ATRN: variants seen among roughly 807,000 people sequenced by gnomAD.
ATRN encodes attractin-2.
A neutral mutation model predicts 178.7 loss-of-function variants in ATRN; 54 were observed. The observed-to-expected ratio is 0.30, with a 90% CI of 0.24 to 0.38. The LOEUF (loss-of-function observed/expected upper bound fraction) is 0.38. Among genes scored for constraint, ATRN ranks in the 10% least tolerant of loss-of-function variants. ATRN has a pLI of 1.00. For synonymous variants in ATRN, 636 were observed against 663.0 expected, an observed-to-expected ratio of 0.96 and a Z score of 0.63; for missense variants, 1,443 against 1,815.1, an observed-to-expected ratio of 0.79 and a Z score of 3.73.
chr20:3,650,980 A>C lies in ATRN; in HGVS notation c.*4133A>C, dbSNP rs1436077723. 1.3e-5 allele frequency: 2 copies of C among 152,658 alleles called. No homozygotes were observed. 9.5% of individuals were successfully genotyped at this position (152,658 alleles called of 1,614,324 possible). A position where few individuals can be genotyped will look rare whatever the true frequency, so the allele number is the denominator to read the frequency against. ...TTTGGTATTTTTTGTATTGTAAAAT[A>C]ACAGCTAATTTAAGCAGGAACAAGA... On this transcript the variant is annotated 3_prime_UTR_variant, in exon 29 of 29. Transcript: ENST00000262919.
chr20:3,494,206 C>T lies in ATRN; in HGVS notation c.410+22689C>T, dbSNP rs187133299. On this transcript the variant is annotated intron_variant, in intron 1 of 28. Transcript: ENST00000262919. ...AGAGAAGTCAGGCTGTGCTGAGCCACGAAGACTTAATGCAGGTGAGTTGAG... is the reference window on the plus strand; with the variant it reads ...AGAGAAGTCAGGCTGTGCTGAGCCATGAAGACTTAATGCAGGTGAGTTGAG... Among the ~76,000 whole-genome samples, 8 of 152,226 alleles carry T rather than the reference C, an allele frequency of 5.3e-5. No individual in the cohort carries two copies. The South Asian group carries it at 6.2e-4, about 12-fold the overall frequency.
At chr20:3,546,747 T>C (rs1034178898) in intron 4 of ATRN, among the ~76,000 whole-genome samples, 2 of 152,088 alleles carry the variant, frequency 1.3e-5, no homozygotes, top group Admixed American at 6.6e-5. Context: ...CTGAAATGAG[T>C]AGATAAAATT....
At chr20:3,550,418 C>T (rs1038036030) in intron 6 of ATRN, among the ~76,000 whole-genome samples, 2 of 152,148 alleles carry the variant, frequency 1.3e-5, no homozygotes, top group Admixed American at 6.5e-5. Flanking sequence ...TAACCTGTTG[C>T]CTCCAGCTTC....
At chr20:3,630,366 A>C (rs997464894) in intron 25 of ATRN, among the ~76,000 whole-genome samples, 1 of 152,080 alleles carries the variant, frequency 6.6e-6, no homozygotes, top group African/African-American at 2.4e-5. Flanking sequence ...CTATACACAC[A>C]CAGCTTCAGC....
At chr20:3,515,020 A>G (rs1347888453) in intron 1 of ATRN, among the ~76,000 whole-genome samples, 1 of 152,222 alleles carries the variant, frequency 6.6e-6, no homozygotes, top group East Asian at 1.9e-4. Flanking sequence ...AGAATTTAGG[A>G]TAACTATCAC....
At chr20:3,526,598 A>G (rs2085368531) in intron 1 of ATRN, among the ~76,000 whole-genome samples, 1 of 152,204 alleles carries the variant, frequency 6.6e-6, no homozygotes, top group Non-Finnish European at 1.5e-5. Context: ...TAAATTTCAT[A>G]TGGAGCCAAA....
chr20:3,597,658 A>C (rs930393261), intron 21 of ATRN, among the ~76,000 whole-genome samples: 2 of 152,184 alleles, frequency 1.3e-5, no homozygotes, highest in African/African-American at 4.8e-5. Flanking sequence ...TTTTCAGATA[A>C]TTATGGACGT....
chr20:3,500,168 C>A (rs374603963), intron 1 of ATRN, among the ~76,000 whole-genome samples: 8 of 151,956 alleles, frequency 5.3e-5, no homozygotes, highest in African/African-American at 7.3e-5. Flanking sequence ...GGCAATCATT[C>A]AAAAGTCAGG....
intron 6 of ATRN, among the ~76,000 whole-genome samples, chr20:3,553,117 C>T (rs980936411): frequency 1.3e-5 from 2 of 152,104 alleles, no homozygotes; most frequent in African/African-American, 4.8e-5. Context: ...TTAGCTCTAC[C>T]TTTAGAATCT....
intron 22 of ATRN, 79 bp downstream of exon 22, chr20:3,598,079 G>A: frequency 1.1e-6 from 1 of 910,632 alleles, no homozygotes; most frequent in South Asian, 1.4e-5. Context: ...TGGACGTACT[G>A]CCTTAACAGT....
Position 3,607,081 on chromosome 20 carries a change from T to A in ATRN, c.3801+2819T>A, listed in dbSNP as rs528176620. On this transcript the variant is annotated intron_variant, in intron 24 of 28. Transcript: ENST00000262919. ...TTAATATTTTTTCTAGGTTTTTATATCATGTTTTTAAATGTATTTTTAATT... is the reference window on the plus strand; with the variant it reads ...TTAATATTTTTTCTAGGTTTTTATAACATGTTTTTAAATGTATTTTTAATT... 3.9e-5 allele frequency among the ~76,000 whole-genome samples: 6 copies of A among 152,302 alleles called. No individual in the cohort carries two copies. The East Asian group carries it at 1.2e-3, about 29-fold the overall frequency.
At chr20:3,600,468 T>G (rs1259439852) in intron 22 of ATRN, among the ~76,000 whole-genome samples, 1 of 152,202 alleles carries the variant, frequency 6.6e-6, no homozygotes, top group Non-Finnish European at 1.5e-5. Flanking sequence ...TTTCCAGTTT[T>G]GGAGAAGTTT....
In ATRN at chr20:3,648,337, C is replaced by T. The variant is rs2087122491; in HGVS notation, c.*1490C>T. The T allele has an allele frequency of 6.6e-6, 1 of 152,624 alleles. No homozygotes were observed. The highest frequency in any genetic ancestry group is 2.1e-4 in the South Asian group (1 of 4,828). The allele number at this position is 152,624 out of a possible 1,614,324, so 9.5% of individuals were successfully genotyped here. ...AAGAGGGTGGGACAGTCCCCTGCTC[C>T]TCTCCCAGAGGGCACTGCTTGGAAA... On this transcript the variant is annotated 3_prime_UTR_variant, in exon 29 of 29. Transcript: ENST00000262919.
chr20:3,547,262 A>G (rs1399239351), intron 4 of ATRN, 22 bp from the exon 5 acceptor site: 10 of 1,583,796 alleles, frequency 6.3e-6, no homozygotes, highest in Non-Finnish European at 8.7e-6. Context: ...TGTTAATGTA[A>G]TTTTCCCTGC....
intron 1 of ATRN, among the ~76,000 whole-genome samples, chr20:3,524,169 T>C (rs1177844552): frequency 6.7e-6 from 1 of 149,822 alleles, no homozygotes; most frequent in Non-Finnish European, 1.5e-5. Flanking sequence ...ACCCAACTCA[T>C]GTGCAAAGAC....
At chr20:3,522,686 A>C (rs142480324) in intron 1 of ATRN, among the ~76,000 whole-genome samples, 1 of 152,150 alleles carries the variant, frequency 6.6e-6, no homozygotes, top group Non-Finnish European at 1.5e-5. Flanking sequence ...CATCTGGTGG[A>C]TACCCCTCTG....
chr20:3,592,286 G>A (rs1480365956), intron 19 of ATRN, among the ~76,000 whole-genome samples: 3 of 151,858 alleles, frequency 2.0e-5, no homozygotes, highest in Non-Finnish European at 2.9e-5. Context: ...TGTAATCCAA[G>A]CCACTCAGGA....
At chr20:3,501,578 GAAC>G (rs1369236662) in intron 1 of ATRN, among the ~76,000 whole-genome samples, 2 of 152,154 alleles carry the variant, frequency 1.3e-5, no homozygotes, top group Non-Finnish European at 2.9e-5. Flanking sequence ...CTCCAACTGA[GAAC>G]AACTAGTAGA....
Position 3,602,963 on chromosome 20 carries a change from CAAAAAAAAAAAAAAAAAAAA to C in ATRN, c.3644-1129_3644-1110del, listed in dbSNP as rs3842439. ...GGGCAACAAAAGCGAAATTCCATCTCAAAAAAAAAAAAAAAAAAAAAAAAAAAAAAAAGATTTGCCATGAG... is the reference window on the plus strand; with the variant it reads ...GGGCAACAAAAGCGAAATTCCATCTCAAAAAAAAAAAAGATTTGCCATGAG... On this transcript the variant is annotated intron_variant, in intron 23 of 28. Coordinates refer to ENST00000262919, the MANE Select transcript of ATRN (RefSeq NM_139321.3). Among the ~76,000 whole-genome samples, 23 of 40,880 alleles carry C rather than the reference CAAAAAAAAAAAAAAAAAAAA, an allele frequency of 5.6e-4. 1 individual carries two copies. The highest frequency in any genetic ancestry group is 5.2e-3 in the Admixed American group (19 of 3,622). 26.8% of individuals were successfully genotyped at this position (40,880 alleles called of 152,430 possible). A position where few individuals can be genotyped will look rare whatever the true frequency, so the allele number is the denominator to read the frequency against.
Sources: gnomAD v4.1 joint callset for allele counts (sites outside exome capture counted in the v4.1 genomes callset) on GRCh38, gnomAD v4.1.1 for gene constraint, MANE v1.5 for transcripts, NCBI Gene and HGNC (gene_info 2026-07-23, HGNC 2026-07-21) for gene names.